C16orf95: variants seen among roughly 807,000 people sequenced by gnomAD.
The protein encoded by C16orf95 is uncharacterized protein C16orf95.
A neutral mutation model predicts 32.1 loss-of-function variants in C16orf95; 41 were observed. That is an observed-to-expected ratio of 1.28 (90% confidence interval 1.00 to 1.66). The LOEUF (loss-of-function observed/expected upper bound fraction) is 1.66. C16orf95 is among the 40% of genes most tolerant of loss of function. The pLI is 0.00. For missense variants in C16orf95, 399 were observed against 325.9 expected (o/e 1.22, Z -1.73); for synonymous variants, 147 against 128.9 (o/e 1.14, Z -0.95).
intron 5 of C16orf95, among the ~76,000 whole-genome samples, chr16:87,307,588 T>C (rs570888713): frequency 3.0e-4 from 45 of 152,154 alleles, no homozygotes; most frequent in African/African-American, 1.1e-3. Flanking sequence ...GTAAAACCCA[T>C]CTCTAATAAA....
At chr16:87,308,688 G>C (rs1468455195) in intron 5 of C16orf95, among the ~76,000 whole-genome samples, 6 of 152,254 alleles carry the variant, frequency 3.9e-5, no homozygotes, top group African/African-American at 1.2e-4. Flanking sequence ...TTGTCTTCAG[G>C]ATGGTACTGG....
Position 87,314,847 on chromosome 16 carries a change from T to C in C16orf95, c.330+124A>G, listed in dbSNP as rs541174874. 1.7e-5 allele frequency: 15 copies of C among 900,094 alleles called. No individual in the cohort carries two copies. The African/African-American group carries it at 2.2e-4, about 13-fold the overall frequency. The allele number at this position is 900,094 out of a possible 1,614,324, so 55.8% of individuals were successfully genotyped here. ...CATGAAAATAAATAAATAAATAATA[T>C]CAAACTGTCTCCCTGAAATGTTAAA... On this transcript the variant is annotated intron_variant, in intron 3 of 6. Coordinates refer to ENST00000567970, the MANE Select transcript of C16orf95 (RefSeq NM_001195124.3).
intron 6 of C16orf95, chr16:87,303,290 C>A: frequency 1.8e-6 from 1 of 556,446 alleles, no homozygotes; most frequent in Non-Finnish European, 3.2e-6. Flanking sequence ...TGGGGTGAGG[C>A]ATTCCACCTG....
At position 87,317,198 on chromosome 16, in the gene C16orf95, A is replaced by C; in HGVS notation, c.45T>G (p.His15Gln). 6.5e-7 allele frequency: 1 copy of C among 1,529,726 alleles called. No homozygotes were observed. Among genetic ancestry groups the C allele is most frequent in the Non-Finnish European group, 8.7e-7 (1 of 1,144,260 alleles). 94.8% of individuals were successfully genotyped at this position (1,529,726 alleles called of 1,614,324 possible). ...AGGCTGCTCCAGTGGCCTCATGATG[A>C]TGGTGACAACGCCGCGGGGACGGTG... ...RSPPSPRRCH[H>Q]HHEATGAASG... Residue 15 changes from histidine to glutamine, a missense_variant, in exon 1 of 7, where the codon CAT becomes CAG. Physicochemically the swap from His to Gln is conservative, Grantham distance 24. Transcript: ENST00000567970.
chr16:87,314,044 T>C (rs1168421518), intron 3 of C16orf95, among the ~76,000 whole-genome samples: 1 of 152,142 alleles, frequency 6.6e-6, no homozygotes, highest in Non-Finnish European at 1.5e-5. Flanking sequence ...GGTGACGATG[T>C]GAGGAACTGG....
At chr16:87,309,222 T>G (rs2150650269) in intron 5 of C16orf95, among the ~76,000 whole-genome samples, 1 of 152,264 alleles carries the variant, frequency 6.6e-6, no homozygotes, top group South Asian at 2.1e-4. Flanking sequence ...TTTAAACTGA[T>G]GTCTTTTCCT....
chr16:87,310,392 T>G, intron 4 of C16orf95, 59 bp from the exon 5 acceptor site: 2 of 1,511,672 alleles, frequency 1.3e-6, no homozygotes, highest in Non-Finnish European at 1.8e-6. Context: ...GGGGAAGGCC[T>G]GGTGATTGGG....
rs1449843490 is a variant in C16orf95, at chr16:87,315,840, G to T, written c.153-17C>A. On this transcript the variant is annotated splice_polypyrimidine_tract_variant and intron_variant, in intron 1 of 6. Coordinates refer to ENST00000567970, the MANE Select transcript of C16orf95 (RefSeq NM_001195124.3). ...GTGCTATTCCTAGAAGAGAAGAACA[G>T]AAAAGCTTAGGGTTTGTGTAAACTA... 1 of 1,525,264 alleles carries T rather than the reference G, an allele frequency of 6.6e-7. No homozygotes were observed. Among genetic ancestry groups the T allele is most frequent in the Admixed American group, 2.0e-5 (1 of 49,848 alleles). The allele number at this position is 1,525,264 out of a possible 1,614,324, so 94.5% of individuals were successfully genotyped here.
intron 3 of C16orf95, among the ~76,000 whole-genome samples, chr16:87,313,153 G>A (rs192632575): frequency 5.7e-4 from 85 of 150,118 alleles, no homozygotes; most frequent in African/African-American, 2.1e-3. Flanking sequence ...GGGTACTTTT[G>A]TAGAAACTGA....
rs1910955725 is a variant in C16orf95 at position 87,305,152 on chromosome 16, G to A, written c.701+567C>T. Among the ~76,000 whole-genome samples, 2 of 152,304 alleles carry A rather than the reference G, an allele frequency of 1.3e-5. No individual in the cohort carries two copies. The highest frequency in any genetic ancestry group is 6.5e-5 in the Admixed American group (1 of 15,300). On this transcript the variant is annotated intron_variant, in intron 6 of 6. Coordinates refer to ENST00000567970, the MANE Select transcript of C16orf95 (RefSeq NM_001195124.3). This position sits in a 1 kb window ranked among gnomAD's most constrained non-coding sequence, Gnocchi z 4.2. ...CAGCTGTGGCCCGGGGAGTGGCCCC[G>A]GAGGCTTCCTGGGGGAGGTATCCCA... is the stretch of plus-strand genomic sequence containing the variant.
chr16:87,303,332 T>C (rs1978490), intron 6 of C16orf95: 16,155 of 503,206 alleles, frequency 0.032, 1,519 homozygotes, highest in African/African-American at 0.24. Flanking sequence ...GGGATGATAA[T>C]GCTGGCTTTG....
chr16:87,313,023 A>C (rs931724325), intron 3 of C16orf95, among the ~76,000 whole-genome samples: 4 of 152,222 alleles, frequency 2.6e-5, no homozygotes, highest in Admixed American at 6.5e-5. Context: ...TATTAGAGAA[A>C]ACCTAAATAA....
At chr16:87,317,036 G>A in intron 1 of C16orf95, 55 bp downstream of exon 1, 1 of 1,460,408 alleles carries the variant, frequency 6.8e-7, no homozygotes, top group Non-Finnish European at 9.1e-7. Context: ...TGCCGGGCCG[G>A]GAACTCACAG....
At position 87,305,059 on chromosome 16, in the gene C16orf95, C is replaced by CT. The variant is rs1486242238; in HGVS notation, c.701+659dup. 6.6e-6 allele frequency among the ~76,000 whole-genome samples: 1 copy of CT among 152,152 alleles called. No homozygotes were observed. The highest frequency in any genetic ancestry group is 1.5e-5 in the Non-Finnish European group (1 of 68,022). On this transcript the variant is annotated intron_variant, in intron 6 of 6. Coordinates refer to ENST00000567970, the MANE Select transcript of C16orf95 (RefSeq NM_001195124.3). This position sits in a 1 kb window ranked among gnomAD's most constrained non-coding sequence, Gnocchi z 4.2. ...GAGGAGGAGGAGGAGAGGAGAGAGG[C>CT]TTTGCAGAGGAGCCACCGCCTAGGC...
At position 87,315,831 on chromosome 16, in the gene C16orf95, A is replaced by T. The variant is rs1349820379; in HGVS notation, c.153-8T>A. ...GTTTGAAATGTGCTATTCCTAGAAG[A>T]GAAGAACAGAAAAGCTTAGGGTTTG... On this transcript the variant is annotated splice_polypyrimidine_tract_variant and splice_region_variant and intron_variant, in intron 1 of 6. Coordinates refer to ENST00000567970, the MANE Select transcript of C16orf95 (RefSeq NM_001195124.3). 3.3e-6 allele frequency: 5 copies of T among 1,527,272 alleles called. No homozygotes were observed. The highest frequency in any genetic ancestry group is 3.5e-6 in the Non-Finnish European group (4 of 1,142,514). The allele number at this position is 1,527,272 out of a possible 1,614,324, so 94.6% of individuals were successfully genotyped here.
In C16orf95 at chr16:87,317,278, A is replaced by C; in HGVS notation, c.-36T>G. The C allele has an allele frequency of 6.8e-7, 1 of 1,479,398 alleles. No homozygotes were observed. Among genetic ancestry groups the C allele is most frequent in the Non-Finnish European group, 9.0e-7 (1 of 1,114,320 alleles). The allele number at this position is 1,479,398 out of a possible 1,614,324, so 91.6% of individuals were successfully genotyped here. A position where few individuals can be genotyped will look rare whatever the true frequency, so the allele number is the denominator to read the frequency against. ...ATGGCTGACGCGCCCTTTCACACAC[A>C]CATCGTCCGCAGGCCCTGACGCCCT... On this transcript the variant is annotated 5_prime_UTR_variant, in exon 1 of 7. Transcript: ENST00000567970.
chr16:87,310,369 G>A lies in C16orf95; in HGVS notation c.478-36C>T, dbSNP rs879268089. On this transcript the variant is annotated intron_variant, in intron 4 of 6. Transcript: ENST00000567970. ...AGAATGGAGGCAAGCAGTCAGCCTG[G>A]CGACCCTCCAAGGGGGAAGGCCTGG... The A allele has an allele frequency of 2.0e-4, 300 of 1,535,478 alleles. 2 individuals are homozygous for A. In the Middle Eastern group the frequency reaches 2.2e-3, roughly 11 times the overall value.
rs150855817 is a variant in C16orf95, at chr16:87,303,755, G to T, written c.702-680C>A. The stretch of plus-strand genomic sequence containing the variant: ...TCCAAGTGCCAGAATTCAGGGGCTG[G>T]AAAACAGGAAGCTGCACCAACATGC... On this transcript the variant is annotated intron_variant, in intron 6 of 6. Transcript: ENST00000567970. The T allele has an allele frequency of 2.9e-3, 445 of 152,664 alleles. 1 individual carries two copies. The highest frequency in any genetic ancestry group is 9.4e-3 in the African/African-American group (391 of 41,560). 9.5% of individuals were successfully genotyped at this position (152,664 alleles called of 1,614,324 possible). A position where few individuals can be genotyped will look rare whatever the true frequency, so the allele number is the denominator to read the frequency against.
chr16:87,309,915 G>C (rs1322917472), intron 5 of C16orf95, among the ~76,000 whole-genome samples: 3 of 152,024 alleles, frequency 2.0e-5, no homozygotes, highest in African/African-American at 7.2e-5. Context: ...GTATATAATA[G>C]GGTACACATA....
Sources: allele counts gnomAD v4.1 joint callset (sites outside exome capture counted in the v4.1 genomes callset), GRCh38; gene constraint gnomAD v4.1.1; non-coding constraint Gnocchi (gnomAD v3.1); transcripts MANE v1.5; gene names NCBI Gene and HGNC (gene_info 2026-07-23, HGNC 2026-07-21).